IL7: variants seen among roughly 807,000 people sequenced by gnomAD.
The protein encoded by IL7 is interleukin 7.
A neutral mutation model predicts 21.6 loss-of-function variants in IL7; 3 were observed. That is an observed-to-expected ratio of 0.14 (90% CI 0.06 to 0.36). IL7 has a LOEUF of 0.36. IL7 is among the 10% of genes least tolerant of loss of function. The pLI is 1.00. For missense variants in IL7, 175 were observed against 200.2 expected, an observed-to-expected ratio of 0.87 and a Z score of 0.76; for synonymous variants, 62 against 68.1, an observed-to-expected ratio of 0.91 and a Z score of 0.44.
intron 3 of IL7, among the ~76,000 whole-genome samples, chr8:78,711,799 G>T (rs1292644732): frequency 4.6e-5 from 7 of 151,918 alleles, no homozygotes; most frequent in Non-Finnish European, 1.0e-4. Flanking sequence ...AGAATTTTCA[G>T]ACCTAATAAT....
intron 3 of IL7, among the ~76,000 whole-genome samples, chr8:78,696,180 G>T (rs1192620584): frequency 6.6e-6 from 1 of 151,890 alleles, no homozygotes; most frequent in Non-Finnish European, 1.5e-5. Context: ...GACTACAGGC[G>T]CCCGCTACCA....
downstream of IL7, chr8:78,717,396 G>C (rs1811141536): frequency 6.2e-7 from 1 of 1,612,920 alleles, no homozygotes; most frequent in Non-Finnish European, 8.5e-7. Flanking sequence ...CATTCACCTG[G>C]AAACTTACCA....
chr8:78,771,911 G>A (rs1029405821), intron 2 of IL7, among the ~76,000 whole-genome samples: 1 of 152,076 alleles, frequency 6.6e-6, no homozygotes, highest in Non-Finnish European at 1.5e-5. Context: ...AACAGCTTTA[G>A]TCCTCTCTTA....
chr8:78,766,415 G>A (rs1812754829), intron 2 of IL7, among the ~76,000 whole-genome samples: 1 of 152,020 alleles, frequency 6.6e-6, no homozygotes, highest in Non-Finnish European at 1.5e-5. Context: ...TTGTCTGTGG[G>A]CACAAGGAGT....
intron 2 of IL7, among the ~76,000 whole-genome samples, chr8:78,792,437 A>G (rs373288277): frequency 2.6e-5 from 4 of 152,314 alleles, no homozygotes. Flanking sequence ...ATTGGACTTC[A>G]TAAAAGTTAA....
intron 2 of IL7, among the ~76,000 whole-genome samples, chr8:78,790,660 G>A (rs1035484343): frequency 6.6e-6 from 1 of 152,104 alleles, no homozygotes; most frequent in African/African-American, 2.4e-5. Flanking sequence ...GGAGTGGAGA[G>A]TTAGAAATCA....
chr8:78,701,838 C>T (rs960062997), intron 3 of IL7, among the ~76,000 whole-genome samples: 1 of 152,132 alleles, frequency 6.6e-6, no homozygotes, highest in Admixed American at 6.5e-5. Flanking sequence ...AGGGATGAAG[C>T]CTACTTGATC....
At chr8:78,692,143 A>G (rs1810231128) in intron 3 of IL7, among the ~76,000 whole-genome samples, 1 of 152,176 alleles carries the variant, frequency 6.6e-6, no homozygotes, top group Non-Finnish European at 1.5e-5. Context: ...AAAAACCACA[A>G]CAAAAACTTA....
intron 2 of IL7, among the ~76,000 whole-genome samples, chr8:78,771,692 C>A (rs1812960041): frequency 6.6e-6 from 1 of 152,078 alleles, no homozygotes; most frequent in African/African-American, 2.4e-5. Context: ...GTTCAGTTTT[C>A]TACTAATTAT....
At chr8:78,768,247 T>C (rs1379164385) in intron 2 of IL7, among the ~76,000 whole-genome samples, 1 of 152,174 alleles carries the variant, frequency 6.6e-6, no homozygotes, top group Non-Finnish European at 1.5e-5. Flanking sequence ...GCATGTGTCT[T>C]TATAGCAGCA....
downstream of IL7, among the ~76,000 whole-genome samples, chr8:78,727,898 T>C (rs193152433): frequency 1.3e-5 from 2 of 152,058 alleles, no homozygotes; most frequent in African/African-American, 4.8e-5. Flanking sequence ...ACGCTACAAC[T>C]AATAAGTGAG....
At chr8:78,784,114 A>T (rs1813431340) in intron 2 of IL7, among the ~76,000 whole-genome samples, 2 of 152,054 alleles carry the variant, frequency 1.3e-5, no homozygotes, top group African/African-American at 2.4e-5. Flanking sequence ...TGAAATCCTA[A>T]CCCCCAATGT....
chr8:78,736,956 T>C (rs1033751166), intron 4 of IL7, among the ~76,000 whole-genome samples: 6 of 152,164 alleles, frequency 3.9e-5, no homozygotes, highest in African/African-American at 1.4e-4. Context: ...AAAAAGCTTG[T>C]AGCGTGCCTG....
chr8:78,727,009 A>G (rs185373377), intron 3 of IL7, among the ~76,000 whole-genome samples: 1 of 152,124 alleles, frequency 6.6e-6, no homozygotes, highest in East Asian at 1.9e-4. Flanking sequence ...GTTTGACAGA[A>G]GGTGCATATG....
chr8:78,801,607 A>G (rs952078650), intron 1 of IL7, among the ~76,000 whole-genome samples: 1 of 152,168 alleles, frequency 6.6e-6, no homozygotes, highest in Non-Finnish European at 1.5e-5. Flanking sequence ...TTGACTTGCC[A>G]AGACAATGGT....
chr8:78,704,120 G>T (rs547634177), intron 3 of IL7, among the ~76,000 whole-genome samples: 1 of 152,062 alleles, frequency 6.6e-6, no homozygotes, highest in African/African-American at 2.4e-5. Flanking sequence ...GGTGGCTCAC[G>T]CCTGTAATCC....
intron 2 of IL7, among the ~76,000 whole-genome samples, chr8:78,789,170 A>T (rs1461129524): frequency 3.3e-5 from 5 of 152,144 alleles, no homozygotes; most frequent in Non-Finnish European, 5.9e-5. Flanking sequence ...CTACTCAGGC[A>T]GTCTCTATCT....
intron 4 of IL7, among the ~76,000 whole-genome samples, chr8:78,677,071 A>C (rs1198864997): frequency 6.6e-6 from 1 of 152,098 alleles, no homozygotes; most frequent in East Asian, 1.9e-4. Flanking sequence ...AAAACACTTG[A>C]TTGCTAATTG....
At chr8:78,706,008 T>G (rs1275651358) in intron 3 of IL7, among the ~76,000 whole-genome samples, 1 of 152,168 alleles carries the variant, frequency 6.6e-6, no homozygotes, top group Non-Finnish European at 1.5e-5. Flanking sequence ...ATTGGGAACC[T>G]GCTTAACCAG....
Sources: allele counts gnomAD v4.1 joint callset (sites outside exome capture counted in the v4.1 genomes callset), GRCh38; gene constraint gnomAD v4.1.1; transcripts MANE v1.5; gene names NCBI Gene and HGNC (gene_info 2026-07-23, HGNC 2026-07-21).